The following CDYL2 variants were observed in gnomAD, a reference collection of about 807,000 sequenced individuals.
CDYL2 encodes chromodomain Y-like protein 2.
CDYL2 carries 23 observed loss-of-function variants against 49.4 expected under a neutral mutation model. The observed-to-expected ratio is 0.47, with a 90% CI of 0.34 to 0.66. CDYL2 has a LOEUF of 0.66. CDYL2 is among the 30% of genes least tolerant of loss of function. The pLI is 0.01. For synonymous variants in CDYL2, 360 were observed against 268.8 expected (o/e 1.34, Z -3.32); for missense variants, 678 against 656.4 (o/e 1.03, Z -0.36).
chr16:80,690,149 T>C (rs747406054), intron 1 of CDYL2, among the ~76,000 whole-genome samples: 8 of 148,526 alleles, frequency 5.4e-5, no homozygotes, highest in Non-Finnish European at 7.4e-5. Flanking sequence ...AAAAAATAAA[T>C]AGAAATAAAA....
chr16:80,682,071 G>T (rs1040757215), intron 2 of CDYL2, among the ~76,000 whole-genome samples: 2 of 152,166 alleles, frequency 1.3e-5, no homozygotes, highest in South Asian at 4.1e-4. Context: ...CTCCACCCTA[G>T]ACTTAGGAAA....
chr16:80,778,072 T>C (rs1405113894), intron 1 of CDYL2, among the ~76,000 whole-genome samples: 2 of 152,026 alleles, frequency 1.3e-5, no homozygotes, highest in South Asian at 2.1e-4. Context: ...ATACGATCAC[T>C]CCAGTAAGTA....
intron 1 of CDYL2, among the ~76,000 whole-genome samples, chr16:80,778,794 G>C (rs1226312980): frequency 6.6e-6 from 1 of 152,030 alleles, no homozygotes; most frequent in Non-Finnish European, 1.5e-5. Context: ...AATGGAAATT[G>C]TAGAACAGAG....
chr16:80,789,029 A>G (rs543652514), intron 1 of CDYL2, among the ~76,000 whole-genome samples: 1 of 152,198 alleles, frequency 6.6e-6, no homozygotes, highest in Non-Finnish European at 1.5e-5. Flanking sequence ...AATGCTCAAC[A>G]TCACTAATCA....
intron 1 of CDYL2, among the ~76,000 whole-genome samples, chr16:80,708,480 T>C (rs1358522212): frequency 6.6e-6 from 1 of 152,222 alleles, no homozygotes; most frequent in South Asian, 2.1e-4. Flanking sequence ...AACCTCTTTC[T>C]TTTAGAAATT....
In CDYL2 at chr16:80,622,805, T is replaced by C. The variant is rs938068886; in HGVS notation, c.835-1870A>G. Among the ~76,000 whole-genome samples, 89 of 151,708 alleles carry C rather than the reference T, an allele frequency of 5.9e-4. 1 individual carries two copies. Among genetic ancestry groups the C allele is most frequent in the Non-Finnish European group, 1.0e-4 (7 of 68,024 alleles). On this transcript the variant is annotated intron_variant, in intron 3 of 6. Coordinates refer to ENST00000570137, the MANE Select transcript of CDYL2 (RefSeq NM_152342.4). The stretch of plus-strand genomic sequence containing the variant: ...AAGTTTGCACCCCATGAAAGCTAAC[T>C]GTGTTTGCGCTCTTCAAAGGCATGC...
intron 3 of CDYL2, among the ~76,000 whole-genome samples, chr16:80,624,769 G>C (rs1007214813): frequency 6.6e-6 from 1 of 152,190 alleles, no homozygotes; most frequent in African/African-American, 2.4e-5. Flanking sequence ...AAATAGATTT[G>C]AGGAGAAAAA....
At chr16:80,760,834 C>A (rs1178436130) in intron 1 of CDYL2, among the ~76,000 whole-genome samples, 1 of 151,366 alleles carries the variant, frequency 6.6e-6, no homozygotes, top group South Asian at 2.1e-4. Context: ...TATCCAGGGC[C>A]GTATTCTTGA....
intron 1 of CDYL2, among the ~76,000 whole-genome samples, chr16:80,789,045 G>T (rs1907525682): frequency 6.6e-6 from 1 of 151,902 alleles, no homozygotes; most frequent in African/African-American, 2.4e-5. Context: ...AATCATCAGA[G>T]AATTCAAATT....
intron 6 of CDYL2, among the ~76,000 whole-genome samples, chr16:80,607,224 A>G (rs1906378003): frequency 6.6e-6 from 1 of 152,132 alleles, no homozygotes; most frequent in South Asian, 2.1e-4. Context: ...TTCAGCTTGC[A>G]GGGGGCAAGA....
chr16:80,726,165 T>C (rs561782976), intron 1 of CDYL2, among the ~76,000 whole-genome samples: 7 of 152,214 alleles, frequency 4.6e-5, no homozygotes, highest in Non-Finnish European at 8.8e-5. Context: ...TCATAGGAGT[T>C]CCGTATAAGA....
chr16:80,625,651 A>C (rs1907267816), intron 3 of CDYL2, among the ~76,000 whole-genome samples: 1 of 152,208 alleles, frequency 6.6e-6, no homozygotes, highest in Non-Finnish European at 1.5e-5. Flanking sequence ...GCAAGCACAG[A>C]CATATCATAT....
intron 1 of CDYL2, among the ~76,000 whole-genome samples, chr16:80,731,293 C>A (rs770826864): frequency 2.0e-5 from 3 of 152,052 alleles, no homozygotes; most frequent in African/African-American, 4.8e-5. Flanking sequence ...ATTGAGGAAT[C>A]TTCTGAAATA....
chr16:80,675,068 C>A (rs1909687658), intron 2 of CDYL2, among the ~76,000 whole-genome samples: 1 of 152,214 alleles, frequency 6.6e-6, no homozygotes, highest in Non-Finnish European at 1.5e-5. Flanking sequence ...GGTTCCACCT[C>A]CCTGGAATGC....
At chr16:80,691,102 C>T (rs754737510) in intron 1 of CDYL2, among the ~76,000 whole-genome samples, 14 of 152,198 alleles carry the variant, frequency 9.2e-5, no homozygotes, top group Non-Finnish European at 1.3e-4. Flanking sequence ...CCTACAGCCT[C>T]TGCCCATCCA....
intron 3 of CDYL2, among the ~76,000 whole-genome samples, chr16:80,627,220 C>T (rs1013680422): frequency 1.3e-5 from 2 of 152,048 alleles, no homozygotes; most frequent in African/African-American, 4.8e-5. Flanking sequence ...CTTGTGGGTC[C>T]TTTAATCCAT....
chr16:80,802,366 T>A (rs1232518047), intron 1 of CDYL2, among the ~76,000 whole-genome samples: 1 of 152,156 alleles, frequency 6.6e-6, no homozygotes, highest in Non-Finnish European at 1.5e-5. Context: ...CCCTAAACAA[T>A]ATCTACTTTT....
chr16:80,792,697 GAGT>G (rs1171640417), intron 1 of CDYL2, among the ~76,000 whole-genome samples: 1 of 152,094 alleles, frequency 6.6e-6, no homozygotes, highest in Non-Finnish European at 1.5e-5. Context: ...CTCCACCCAG[GAGT>G]ATCACGTATC....
At chr16:80,738,860 T>C (rs1053848925) in intron 1 of CDYL2, 6 of 152,232 alleles carry the variant, frequency 3.9e-5, no homozygotes, top group Non-Finnish European at 7.3e-5. Flanking sequence ...AAAATGGAGA[T>C]GATGATAGTG....
Sources: allele counts gnomAD v4.1 joint callset (sites outside exome capture counted in the v4.1 genomes callset), GRCh38; gene constraint gnomAD v4.1.1; transcripts MANE v1.5; gene names NCBI Gene and HGNC (gene_info 2026-07-23, HGNC 2026-07-21).